NBPF8: variants seen among roughly 807,000 people sequenced by gnomAD.
NBPF8 encodes NBPF member 8, also known as NBPF family member NBPF8.
chr1:120,434,470 T>C (rs1661015012), upstream of NBPF8, among the ~76,000 whole-genome samples: 1 of 146,574 alleles, frequency 6.8e-6, no homozygotes, highest in Admixed American at 6.9e-5. Flanking sequence ...AACTCGTCAT[T>C]TACATTAGGT....
chr1:120,451,718 C>T (rs1553248839), intron 12 of NBPF8, among the ~76,000 whole-genome samples: 83 of 148,986 alleles, frequency 5.6e-4, no homozygotes, highest in African/African-American at 1.9e-3. Context: ...CTTTTCAATT[C>T]GCCCCATCTG....
chr1:120,466,001 T>G, exon 25 of NBPF8: 1 of 1,611,884 alleles, frequency 6.2e-7, no homozygotes, highest in Non-Finnish European at 8.5e-7. Context: ...CTGATGGAAG[T>G]GGAAGAGCCT....
chr1:120,464,550 T>G lies in NBPF8; in HGVS notation n.3459+2T>G. The G allele has an allele frequency of 1.3e-6, 1 of 771,546 alleles. No individual in the cohort carries two copies. The highest frequency in any genetic ancestry group is 2.4e-6 in the Non-Finnish European group (1 of 418,946). The allele number at this position is 771,546 out of a possible 1,614,324, so 47.8% of individuals were successfully genotyped here. A position where few individuals can be genotyped will look rare whatever the true frequency, so the allele number is the denominator to read the frequency against. ...TTGGCTTTTCTCTTGACGTGGGAGGTGAGTACCTTTCTATGAAGGTGATAA... is the reference window on the plus strand; with the variant it reads ...TTGGCTTTTCTCTTGACGTGGGAGGGGAGTACCTTTCTATGAAGGTGATAA... On this transcript the variant is annotated splice_donor_variant and non_coding_transcript_variant, in intron 23 of 24. Transcript: ENST00000583271.
chr1:120,435,881 T>G (rs1432708791), upstream of NBPF8, among the ~76,000 whole-genome samples: 312 of 149,602 alleles, frequency 2.1e-3, 3 homozygotes, highest in African/African-American at 7.4e-3. Context: ...AATAAAAAAG[T>G]CAAAACAAGA....
chr1:120,467,837 C>T (rs1661782133), downstream of NBPF8: 1 of 152,118 alleles, frequency 6.6e-6, no homozygotes. Flanking sequence ...AAAAACATTT[C>T]ATTTCCATGT....
chr1:120,464,406 G>C, exon 23 of NBPF8: 1 of 722,834 alleles, frequency 1.4e-6, no homozygotes, highest in South Asian at 1.4e-5. Context: ...AGGTAGTAGA[G>C]CCTGAAGTCT....
intron 18 of NBPF8, among the ~76,000 whole-genome samples, chr1:120,460,947 G>A (rs1379422212): frequency 1.3e-5 from 2 of 151,706 alleles, no homozygotes; most frequent in African/African-American, 2.4e-5. Context: ...TGTGTCCTGA[G>A]AGCACAAATA....
intron 1 of NBPF8, among the ~76,000 whole-genome samples, chr1:120,425,213 G>A (rs1279452566): frequency 6.6e-6 from 1 of 151,896 alleles, no homozygotes; most frequent in South Asian, 2.1e-4. Flanking sequence ...AGGAAGGAAG[G>A]CCTCTTTGCA....
At chr1:120,415,038 C>T (rs1660389265), upstream of NBPF8, among the ~76,000 whole-genome samples, 1 of 152,212 alleles carries the variant, frequency 6.6e-6, no homozygotes, top group African/African-American at 2.4e-5. Context: ...ACGCGCCGAG[C>T]GGGACCCTGA....
intron 24 of NBPF8, 144 bp downstream of exon 22, chr1:120,465,515 T>C (rs1275229604): frequency 4.4e-6 from 2 of 454,912 alleles, no homozygotes; most frequent in Non-Finnish European, 7.8e-6. Context: ...TTCATTGCAG[T>C]AGATGTTTAG....
chr1:120,431,261 G>C (rs1490753547), intron 3 of NBPF8, among the ~76,000 whole-genome samples: 1 of 142,294 alleles, frequency 7.0e-6, no homozygotes. Context: ...ACGTGTGTGT[G>C]TGTGTGTGTG....
At chr1:120,467,798 G>C (rs1401269271), downstream of NBPF8, 3 of 152,094 alleles carry the variant, frequency 2.0e-5, no homozygotes, top group Non-Finnish European at 4.4e-5. Context: ...TATGCTGATT[G>C]GTTTTGGTGG....
At chr1:120,450,535 T>G (rs1345040553) in intron 11 of NBPF8, among the ~76,000 whole-genome samples, 1 of 152,210 alleles carries the variant, frequency 6.6e-6, no homozygotes, top group Non-Finnish European at 1.5e-5. Context: ...GTCAGTCTCC[T>G]AGAACATTTA....
At chr1:120,430,752 C>G (rs1267377162) in intron 3 of NBPF8, among the ~76,000 whole-genome samples, 2 of 41,274 alleles carry the variant, frequency 4.8e-5, no homozygotes, top group African/African-American at 1.9e-4. Flanking sequence ...GACTCTGTCT[C>G]AAAAAAAAAA....
chr1:120,460,301 A>G (rs1461647145), intron 17 of NBPF8, among the ~76,000 whole-genome samples: 1 of 152,140 alleles, frequency 6.6e-6, no homozygotes, highest in Non-Finnish European at 1.5e-5. Context: ...TTTATTGGGG[A>G]AAAAATTGCT....
chr1:120,468,497 T>C (rs1661811464), downstream of NBPF8, among the ~76,000 whole-genome samples: 1 of 146,812 alleles, frequency 6.8e-6, no homozygotes, highest in African/African-American at 2.6e-5. Flanking sequence ...GATATTGTCC[T>C]CCTTGGGGGA....
intron 16 of NBPF8, among the ~76,000 whole-genome samples, chr1:120,456,483 T>C (rs2101687341): frequency 1.7e-5 from 2 of 115,498 alleles, no homozygotes; most frequent in South Asian, 2.3e-4. Flanking sequence ...GATAGTTAAC[T>C]CTTCTTGTTG....
intron 10 of NBPF8, 46 bp from the exon 9 acceptor site, chr1:120,449,147 T>C: frequency 2.3e-6 from 2 of 854,124 alleles, no homozygotes; most frequent in South Asian, 2.7e-5. Flanking sequence ...CCTATTTGAT[T>C]TCACCAGTTT....
intron 18 of NBPF8, among the ~76,000 whole-genome samples, 155 bp downstream of exon 16, chr1:120,460,779 A>G (rs1170165661): frequency 6.6e-6 from 1 of 151,726 alleles, no homozygotes; most frequent in Non-Finnish European, 1.5e-5. Flanking sequence ...ATTAGAGTAA[A>G]TGTTTAGGTT....
Sources: allele counts gnomAD v4.1 joint callset (sites outside exome capture counted in the v4.1 genomes callset), GRCh38; gene constraint gnomAD v4.1.1; transcripts MANE v1.5; gene names NCBI Gene and HGNC (gene_info 2026-07-23, HGNC 2026-07-21).